The following FOCAD variants were observed in gnomAD, a reference collection of about 807,000 sequenced individuals.
FOCAD encodes focadhesin.
A neutral mutation model predicts 225.6 loss-of-function variants in FOCAD; 198 were observed. The ratio of observed to expected loss-of-function variants is 0.88; its 90% CI spans 0.78 to 0.99. FOCAD has a LOEUF of 0.99. Ranked by LOEUF, FOCAD falls within the 50% of genes least tolerant of loss-of-function variation. The probability of loss-of-function intolerance (pLI) is 0.00; values close to 1 mark genes in which losing one functional copy is unlikely to be tolerated. For missense variants in FOCAD, 2,713 were observed against 2,123.6 expected (o/e 1.28, Z -5.46); for synonymous variants, 897 against 755.0 (o/e 1.19, Z -3.08).
chr9:20,959,400 T>C (rs1172144468), intron 35 of FOCAD, among the ~76,000 whole-genome samples: 1 of 152,194 alleles, frequency 6.6e-6, no homozygotes, highest in Non-Finnish European at 1.5e-5. Flanking sequence ...TTTTTTGCTG[T>C]TGAGATGTTT....
At position 20,824,161 on chromosome 9, in the gene FOCAD, G is replaced by C. The variant is rs780703385; in HGVS notation, c.1920+1046G>C. On this transcript the variant is annotated intron_variant, in intron 15 of 43. Coordinates refer to ENST00000338382, the MANE Select transcript of FOCAD (RefSeq NM_001375567.1). ...TAATGGCAAGGGGCTATTATAGCAG[G>C]AGAATACCACACATGCCCAAGGACA... 7.4e-4 allele frequency among the ~76,000 whole-genome samples: 113 copies of C among 152,106 alleles called. 1 individual carries two copies. Among genetic ancestry groups the C allele is most frequent in the Non-Finnish European group, 1.5e-4 (10 of 67,996 alleles).
At chr9:20,673,281 A>G (rs138375790) in intron 2 of FOCAD, among the ~76,000 whole-genome samples, 1 of 152,320 alleles carries the variant, frequency 6.6e-6, no homozygotes, top group African/African-American at 2.4e-5. Context: ...TCTAGGATAT[A>G]TACATAGGAT....
At chr9:20,680,969 G>A (rs1208484386), upstream of FOCAD, among the ~76,000 whole-genome samples, 1 of 152,092 alleles carries the variant, frequency 6.6e-6, no homozygotes, top group African/African-American at 2.4e-5. Flanking sequence ...CTGTACCCCA[G>A]CTTGTGTGAC....
chr9:20,876,471 T>C (rs2383168), intron 19 of FOCAD, among the ~76,000 whole-genome samples: 125,337 of 152,148 alleles, frequency 0.82, 51,797 homozygotes, highest in Admixed American at 0.88. Context: ...GTTGTTTGTC[T>C]TCTCAGTACA....
intron 28 of FOCAD, among the ~76,000 whole-genome samples, chr9:20,939,422 G>A (rs568613695): frequency 1.8e-4 from 28 of 152,138 alleles, no homozygotes; most frequent in Admixed American, 1.5e-3. Flanking sequence ...AGCTCAAGAT[G>A]TTATAAAGTT....
chr9:20,778,581 C>T lies in FOCAD; in HGVS notation c.907-100C>T, dbSNP rs1465680335. ...TAAATAAATTTGTGTAATAGGCTTG[C>T]AGTCTTTCATATTAAATATATTCTT... On this transcript the variant is annotated intron_variant, in intron 8 of 43. Coordinates refer to ENST00000338382, the MANE Select transcript of FOCAD (RefSeq NM_001375567.1). The T allele has an allele frequency of 5.8e-5, 37 of 640,234 alleles. No homozygotes were observed. The Admixed American group carries it at 9.3e-4, about 16-fold the overall frequency. The allele number at this position is 640,234 out of a possible 1,614,324, so 39.7% of individuals were successfully genotyped here.
At chr9:20,813,617 T>A (rs1000632908) in intron 11 of FOCAD, among the ~76,000 whole-genome samples, 17 of 152,294 alleles carry the variant, frequency 1.1e-4, no homozygotes, top group African/African-American at 3.4e-4. Flanking sequence ...ATTTCAGTCT[T>A]AAATTTGTTA....
intron 2 of FOCAD, among the ~76,000 whole-genome samples, chr9:20,667,165 A>C (rs1184164324): frequency 2.0e-5 from 3 of 152,250 alleles, no homozygotes; most frequent in Non-Finnish European, 4.4e-5. Flanking sequence ...TATCTTATAA[A>C]GTCACTAAAA....
intron 15 of FOCAD, among the ~76,000 whole-genome samples, chr9:20,834,823 C>G (rs1825842862): frequency 6.6e-6 from 1 of 152,034 alleles, no homozygotes; most frequent in Admixed American, 6.6e-5. Context: ...ATCACTTGAA[C>G]TATGGCTAAT....
rs151154370 is a variant in FOCAD, at chr9:20,859,615, T to C, written c.1921-2963T>C. 7.4e-3 allele frequency among the ~76,000 whole-genome samples: 1,101 copies of C among 149,238 alleles called. 16 individuals carry two copies. Among genetic ancestry groups the C allele is most frequent in the African/African-American group, 0.023 (965 of 41,064 alleles). On this transcript the variant is annotated intron_variant, in intron 15 of 43. Transcript: ENST00000338382. ...TACTTTTTTGACTAGTGTTTTTTTT[T>C]CTATTCTTTAAAAAAATTTATTTTG... is the stretch of plus-strand genomic sequence containing the variant.
chr9:20,919,961 T>C (rs1432051961), intron 24 of FOCAD, among the ~76,000 whole-genome samples: 4 of 151,540 alleles, frequency 2.6e-5, no homozygotes, highest in African/African-American at 9.7e-5. Flanking sequence ...AATTGACAAA[T>C]GGGATCTAAT....
intron 21 of FOCAD, among the ~76,000 whole-genome samples, chr9:20,888,406 G>T (rs981250138): frequency 1.3e-5 from 2 of 151,954 alleles, no homozygotes; most frequent in Non-Finnish European, 2.9e-5. Context: ...CAAAGTGCTG[G>T]AATTACAGGC....
intron 24 of FOCAD, among the ~76,000 whole-genome samples, chr9:20,919,812 C>G (rs1834221566): frequency 6.6e-6 from 1 of 151,978 alleles, no homozygotes; most frequent in African/African-American, 2.4e-5. Flanking sequence ...AAAATTAATT[C>G]AAGATGGATT....
chr9:20,685,596 C>A (rs1822615643), intron 1 of FOCAD, among the ~76,000 whole-genome samples: 1 of 152,106 alleles, frequency 6.6e-6, no homozygotes, highest in South Asian at 2.1e-4. Flanking sequence ...TTTAATGTTA[C>A]ATACAAAGGT....
intron 1 of FOCAD, among the ~76,000 whole-genome samples, chr9:20,706,653 C>G (rs1824413475): frequency 6.6e-6 from 1 of 152,176 alleles, no homozygotes; most frequent in Admixed American, 6.5e-5. Flanking sequence ...TTTAACCTCT[C>G]TGACATTGTT....
intron 8 of FOCAD, among the ~76,000 whole-genome samples, chr9:20,777,083 T>C (rs1258798897): frequency 1.3e-5 from 2 of 152,154 alleles, no homozygotes; most frequent in African/African-American, 4.8e-5. Flanking sequence ...TTTTTTCTTT[T>C]GTTGTTTTTT....
intron 11 of FOCAD, among the ~76,000 whole-genome samples, chr9:20,799,464 A>G (rs1821534824): frequency 6.6e-6 from 1 of 151,914 alleles, no homozygotes; most frequent in African/African-American, 2.4e-5. Flanking sequence ...GTCTCCCATT[A>G]TTATTGTGTG....
intron 26 of FOCAD, chr9:20,927,725 G>C (rs1835091012): frequency 6.6e-6 from 1 of 152,048 alleles, no homozygotes. Flanking sequence ...GAATTATAAT[G>C]GTCATGGGAC....
chr9:20,923,614 G>C (rs1193702279), intron 24 of FOCAD, 46 bp from the exon 25 acceptor site: 2 of 1,463,134 alleles, frequency 1.4e-6, no homozygotes, highest in African/African-American at 1.4e-5. Context: ...CTCTTCTTCT[G>C]GTTAATACCA....
Sources: allele counts gnomAD v4.1 joint callset (sites outside exome capture counted in the v4.1 genomes callset), GRCh38; gene constraint gnomAD v4.1.1; transcripts MANE v1.5; gene names NCBI Gene and HGNC (gene_info 2026-07-23, HGNC 2026-07-21).